Variants in RASGRF2 observed in about 807,000 individuals in gnomAD.
The protein encoded by RASGRF2 is ras-specific guanine nucleotide-releasing factor 2.
Under a neutral mutation model 151.0 loss-of-function variants are expected in RASGRF2, and 76 were observed. The observed-to-expected ratio is 0.50, with a 90% CI of 0.42 to 0.61. The LOEUF is 0.61. Ranked by LOEUF, RASGRF2 falls within the 20% of genes least tolerant of loss-of-function variation. RASGRF2 has a pLI of 0.00. For missense variants in RASGRF2, 1,148 were observed against 1,564.6 expected (o/e 0.73, Z 4.49); for synonymous variants, 504 against 566.5 (o/e 0.89, Z 1.57).
intron 18 of RASGRF2, 118 bp from the exon 19 acceptor site, chr5:81,201,212 C>A: frequency 1.4e-6 from 2 of 1,434,188 alleles, no homozygotes; most frequent in Non-Finnish European, 1.8e-6. Context: ...CTCTAGGGTC[C>A]ATACATTTTA....
intron 13 of RASGRF2, among the ~76,000 whole-genome samples, chr5:81,111,755 AAG>A (rs1020330286): frequency 6.6e-6 from 1 of 152,184 alleles, no homozygotes; most frequent in African/African-American, 2.4e-5. Flanking sequence ...GGTAAATAAA[AAG>A]AGCTGATTCT....
At position 81,053,732 on chromosome 5, in the gene RASGRF2, A is replaced by G. The variant is rs887912229; in HGVS notation, c.395+10749A>G. Reference sequence around the variant, plus strand: ...TTCCACAATGGTTGAACTAGTTTACAGTCCCACCAACAATGTAAAAGTGTT... The same window carrying G: ...TTCCACAATGGTTGAACTAGTTTACGGTCCCACCAACAATGTAAAAGTGTT... On this transcript the variant is annotated intron_variant, in intron 2 of 26. Coordinates refer to ENST00000265080, the MANE Select transcript of RASGRF2 (RefSeq NM_006909.3). 1.8e-3 allele frequency among the ~76,000 whole-genome samples: 273 copies of G among 152,242 alleles called. No individual in the cohort carries two copies. The East Asian group carries it at 0.043, about 24-fold the overall frequency.
chr5:81,092,990 A>C, intron 10 of RASGRF2, 29 bp downstream of exon 10: 1 of 1,569,146 alleles, frequency 6.4e-7, no homozygotes, highest in Non-Finnish European at 8.7e-7. Context: ...TGTTCCATTT[A>C]TCTTCCAAGC....
chr5:81,003,370 C>A (rs539697803), intron 1 of RASGRF2, among the ~76,000 whole-genome samples: 3 of 152,172 alleles, frequency 2.0e-5, no homozygotes, highest in Non-Finnish European at 4.4e-5. Flanking sequence ...CTACAGGTGC[C>A]CACCACCACG....
intron 12 of RASGRF2, among the ~76,000 whole-genome samples, chr5:81,105,895 C>T (rs1014622990): frequency 1.3e-5 from 2 of 152,186 alleles, no homozygotes; most frequent in African/African-American, 4.8e-5. Context: ...TTTGAAGTGA[C>T]TTGCCTTACT....
At chr5:80,974,661 G>T (rs941007127) in intron 1 of RASGRF2, among the ~76,000 whole-genome samples, 6 of 129,922 alleles carry the variant, frequency 4.6e-5, no homozygotes, top group Non-Finnish European at 8.2e-5. Context: ...AAGCAAGGAG[G>T]TGTCCCTTCC....
At chr5:81,029,614 C>T (rs1350863494) in intron 1 of RASGRF2, among the ~76,000 whole-genome samples, 1 of 152,212 alleles carries the variant, frequency 6.6e-6, no homozygotes, top group African/African-American at 2.4e-5. Context: ...AACTAACAAA[C>T]AGAAAGGACA....
intron 16 of RASGRF2, among the ~76,000 whole-genome samples, chr5:81,125,658 A>G (rs1377606429): frequency 6.6e-6 from 1 of 152,220 alleles, no homozygotes; most frequent in Non-Finnish European, 1.5e-5. Flanking sequence ...CAAGAGTTAA[A>G]TGCTGTTCAA....
intron 1 of RASGRF2, among the ~76,000 whole-genome samples, chr5:81,025,163 C>T (rs1186134079): frequency 6.6e-6 from 1 of 152,216 alleles, no homozygotes; most frequent in African/African-American, 2.4e-5. Flanking sequence ...AGCTTCTTGC[C>T]CTGCAAGCTG....
At chr5:81,173,756 T>C (rs897024503) in intron 17 of RASGRF2, among the ~76,000 whole-genome samples, 5 of 152,210 alleles carry the variant, frequency 3.3e-5, no homozygotes. Flanking sequence ...TTTGGGAAGA[T>C]TATTCTGGAA....
chr5:81,094,359 G>T lies in RASGRF2; in HGVS notation c.1615G>T (p.Asp539Tyr). 2 of 1,611,872 alleles carry T rather than the reference G, an allele frequency of 1.2e-6. No homozygotes were observed. Among genetic ancestry groups the T allele is most frequent in the South Asian group, 2.2e-5 (2 of 90,570 alleles). ...TGAGGAGCCAGATGCAAGCGATGATGACTGTAAGTCACCTTCGATCACTTA... is the reference window on the plus strand; with the variant it reads ...TGAGGAGCCAGATGCAAGCGATGATTACTGTAAGTCACCTTCGATCACTTA... ...LIEEPDASDD[D>Y]SKGSGQVFGH... The change falls in exon 11 of 27, where the codon GAC (aspartate) becomes TAC (tyrosine). Residue 539 changes from aspartate to tyrosine, a missense_variant. Asp to Tyr is a radical substitution (Grantham distance 160). Around this residue, in one of 5 missense-constraint regions of RASGRF2, gnomAD observed 646 missense variants for 807.4 expected, o/e 0.80. Transcript: ENST00000265080.
chr5:81,130,636 C>T (rs1753592440), intron 17 of RASGRF2, among the ~76,000 whole-genome samples: 1 of 152,084 alleles, frequency 6.6e-6, no homozygotes, highest in Non-Finnish European at 1.5e-5. Context: ...GACCTAGATA[C>T]CTGGACAGGT....
At chr5:80,972,484 TG>T (rs1326321421) in intron 1 of RASGRF2, among the ~76,000 whole-genome samples, 2 of 144,360 alleles carry the variant, frequency 1.4e-5, no homozygotes, top group African/African-American at 5.2e-5. Context: ...GATTGGTCTC[TG>T]TTTTTTTCTT....
chr5:81,182,367 A>G (rs1457028333), intron 18 of RASGRF2, among the ~76,000 whole-genome samples: 2 of 152,182 alleles, frequency 1.3e-5, no homozygotes, highest in East Asian at 1.9e-4. Flanking sequence ...ATGGCTGGTT[A>G]TCAATGCCCT....
At chr5:80,974,423 T>G (rs773435026) in intron 1 of RASGRF2, among the ~76,000 whole-genome samples, 9 of 152,242 alleles carry the variant, frequency 5.9e-5, no homozygotes, top group Non-Finnish European at 1.0e-4. Context: ...AGCGCCCTAG[T>G]GAACACCACT....
intron 1 of RASGRF2, among the ~76,000 whole-genome samples, chr5:80,968,232 T>C (rs1273689721): frequency 6.6e-6 from 1 of 152,258 alleles, no homozygotes; most frequent in Non-Finnish European, 1.5e-5. Flanking sequence ...TCCTTTCCTT[T>C]CCCTTTCAAA....
chr5:80,969,815 C>CTTTTTTT lies in RASGRF2; in HGVS notation c.288+8811_288+8817dup, dbSNP rs10584906. On this transcript the variant is annotated intron_variant, in intron 1 of 26. Transcript: ENST00000265080. ...ACAGATGCCAATAATACTTCTTCTT[C>CTTTTTTT]TTTTTTTTTTTTTTTTTTTTTTTTT... Among the ~76,000 whole-genome samples, 173 of 76,938 alleles carry CTTTTTTT rather than the reference C, an allele frequency of 2.2e-3. 15 individuals are homozygous for CTTTTTTT. Among genetic ancestry groups the CTTTTTTT allele is most frequent in the African/African-American group, 8.4e-3 (124 of 14,810 alleles). 50.5% of individuals were successfully genotyped at this position (76,938 alleles called of 152,430 possible).
intron 1 of RASGRF2, among the ~76,000 whole-genome samples, chr5:80,962,842 A>G (rs1418767322): frequency 6.6e-6 from 1 of 152,166 alleles, no homozygotes; most frequent in African/African-American, 2.4e-5. Flanking sequence ...CTAATGAAAA[A>G]ATTGTTTTCC....
At chr5:81,009,880 C>T (rs907770132) in intron 1 of RASGRF2, among the ~76,000 whole-genome samples, 5 of 152,012 alleles carry the variant, frequency 3.3e-5, no homozygotes, top group Non-Finnish European at 1.5e-5. Context: ...TTGGAGAGGC[C>T]GGGTGCGGTG....
Sources: gnomAD v4.1 joint callset for allele counts (sites outside exome capture counted in the v4.1 genomes callset) on GRCh38, gnomAD v4.1.1 for gene constraint, gnomAD v4.1.1 regional missense constraint, MANE v1.5 for transcripts, NCBI Gene and HGNC (gene_info 2026-07-23, HGNC 2026-07-21) for gene names.